The following PFKFB3 variants were observed in gnomAD, a reference collection of about 807,000 sequenced individuals.
PFKFB3 encodes the protein 6-phosphofructo-2-kinase/fructose-2,6-biphosphatase 3.
PFKFB3 carries 33 observed loss-of-function variants against 68.0 expected under a neutral mutation model. That is an observed-to-expected ratio of 0.49 (90% CI 0.37 to 0.65). PFKFB3 has a LOEUF of 0.65. Ranked by LOEUF, PFKFB3 falls within the 30% of genes least tolerant of loss-of-function variation. PFKFB3 has a pLI of 0.00. For missense variants in PFKFB3, 586 were observed against 712.2 expected, an observed-to-expected ratio of 0.82 and a Z score of 2.02; for synonymous variants, 315 against 288.2, an observed-to-expected ratio of 1.09 and a Z score of -0.94.
At chr10:6,157,357 G>A (rs904462492) in intron 1 of PFKFB3, among the ~76,000 whole-genome samples, 2 of 151,870 alleles carry the variant, frequency 1.3e-5, no homozygotes, top group African/African-American at 4.8e-5. Context: ...CTCCCGAGTA[G>A]CTGGGACTAC....
chr10:6,323,199 G>GA, the PFKFB3 span, among the ~76,000 whole-genome samples: 1 of 152,220 alleles, frequency 6.6e-6, no homozygotes, highest in African/African-American at 2.4e-5. Context: ...TTTACTATGG[G>GA]AATTGGTTTA....
the PFKFB3 span, among the ~76,000 whole-genome samples, chr10:6,269,001 A>G: frequency 7.3e-6 from 1 of 136,988 alleles, no homozygotes; most frequent in Non-Finnish European, 1.6e-5. Context: ...CCAGCCTGGG[A>G]GACAAGAGTG....
At chr10:6,176,335 G>A (rs765140221) in intron 1 of PFKFB3, among the ~76,000 whole-genome samples, 2 of 152,060 alleles carry the variant, frequency 1.3e-5, no homozygotes, top group African/African-American at 2.4e-5. Flanking sequence ...TGATGGGTGG[G>A]GGTTGCATAG....
In PFKFB3 at chr10:6,185,157, G is replaced by C. The variant is rs574965665; in HGVS notation, c.17-28466G>C. On this transcript the variant is annotated intron_variant, in intron 1 of 14. Coordinates refer to the PFKFB3 transcript ENST00000379789. The stretch of plus-strand genomic sequence containing the variant: ...CACGGCACGCCCCACGAGGGCCTCT[G>C]TGGCCTTGAGACACATCACTCTCTG... Among the ~76,000 whole-genome samples, 23 of 152,314 alleles carry C rather than the reference G, an allele frequency of 1.5e-4. No homozygotes were observed. The South Asian group carries it at 4.8e-3, about 32-fold the overall frequency.
the PFKFB3 span, among the ~76,000 whole-genome samples, chr10:6,306,118 C>T: frequency 2.0e-5 from 3 of 152,184 alleles, no homozygotes; most frequent in African/African-American, 4.8e-5. Context: ...ATGGCAGCCT[C>T]AAACTCCTGG....
chr10:6,291,340 C>G, the PFKFB3 span, among the ~76,000 whole-genome samples: 12 of 151,982 alleles, frequency 7.9e-5, no homozygotes, highest in Non-Finnish European at 2.9e-5. Flanking sequence ...CCAAGGTGGG[C>G]GGATCACTTG....
chr10:6,229,274 G>A lies in PFKFB3; in HGVS notation c.1515+2909G>A, dbSNP rs1370097501. The A allele has an allele frequency of 2.3e-6, 1 of 437,736 alleles. No homozygotes were observed. 27.1% of individuals were successfully genotyped at this position (437,736 alleles called of 1,614,324 possible). A position where few individuals can be genotyped will look rare whatever the true frequency, so the allele number is the denominator to read the frequency against. On this transcript the variant is annotated intron_variant, in intron 14 of 14. Coordinates refer to ENST00000379775, the MANE Select transcript of PFKFB3 (RefSeq NM_004566.4). This position sits in a 1 kb window ranked among gnomAD's most constrained non-coding sequence, Gnocchi z 4.3. ...TGTCCACGTTCCTTAAGACCACCCT[G>A]GGAGGTCGGCAGGGCAGTCAGTCCC...
chr10:6,221,742 GGAGGT>G lies in PFKFB3; in HGVS notation c.1083+1_1083+5del. On this transcript the variant is annotated splice_donor_variant and coding_sequence_variant, in exon 10 of 15. Coordinates refer to ENST00000379775, the MANE Select transcript of PFKFB3 (RefSeq NM_004566.4). LOFTEE classifies it high-confidence loss of function. ...AGTACTATTACCGCTACCCCACCGG[GGAGGT>G]GAGCGCAGGCTGGGGCGGGCTGACG... The G allele has an allele frequency of 6.3e-7, 1 of 1,593,090 alleles. No homozygotes were observed. The highest frequency in any genetic ancestry group is 8.5e-7 in the Non-Finnish European group (1 of 1,170,712).
downstream of PFKFB3, among the ~76,000 whole-genome samples, chr10:6,236,446 C>A (rs1044051731): frequency 6.6e-6 from 1 of 152,318 alleles, no homozygotes; most frequent in Non-Finnish European, 1.5e-5. Flanking sequence ...CGGAGCCCCC[C>A]ACTGCTGCGC....
intron 1 of PFKFB3, among the ~76,000 whole-genome samples, chr10:6,188,002 C>CATAT (rs35827719): frequency 1.4e-4 from 20 of 148,130 alleles, no homozygotes; most frequent in Admixed American, 6.0e-4. Context: ...TACCTACCTA[C>CATAT]ATATATATAT....
At chr10:6,285,337 G>A in the PFKFB3 span, among the ~76,000 whole-genome samples, 4 of 151,468 alleles carry the variant, frequency 2.6e-5, no homozygotes, top group African/African-American at 9.7e-5. Flanking sequence ...AGATTCAAGC[G>A]ATTGTCCTGC....
intron 1 of PFKFB3, among the ~76,000 whole-genome samples, chr10:6,172,598 G>T (rs1362562299): frequency 6.6e-6 from 1 of 152,116 alleles, no homozygotes; most frequent in African/African-American, 2.4e-5. Context: ...CAAGTGGGAG[G>T]ATTGTTTGAG....
the PFKFB3 span, among the ~76,000 whole-genome samples, chr10:6,311,402 AACCTCT>A: frequency 6.6e-6 from 1 of 152,110 alleles, no homozygotes; most frequent in Non-Finnish European, 1.5e-5. Flanking sequence ...TTTCTGGCAG[AACCTCT>A]CAGGTTCCCT....
the PFKFB3 span, among the ~76,000 whole-genome samples, chr10:6,307,531 TTCC>T: frequency 7.0e-3 from 1,023 of 146,706 alleles, 15 homozygotes; most frequent in African/African-American, 0.024. Context: ...CCTTCCTTCC[TTCC>T]TTCCTTCCTT....
chr10:6,272,316 C>T, the PFKFB3 span, among the ~76,000 whole-genome samples: 3 of 152,156 alleles, frequency 2.0e-5, no homozygotes, highest in African/African-American at 7.2e-5. Context: ...GTGATCGTTC[C>T]AATTGCCCTA....
At chr10:6,222,202 C>T (rs73615881) in intron 10 of PFKFB3, among the ~76,000 whole-genome samples, 6,433 of 152,250 alleles carry the variant, frequency 0.042, 197 homozygotes, top group East Asian at 0.15. Context: ...CAGGCCCCTG[C>T]AGGCCCACTG....
the PFKFB3 span, among the ~76,000 whole-genome samples, chr10:6,298,392 T>C: frequency 6.6e-6 from 1 of 151,964 alleles, no homozygotes; most frequent in Admixed American, 6.6e-5. Flanking sequence ...TTTTTTCTTT[T>C]TTTGAGACAA....
intron 14 of PFKFB3, among the ~76,000 whole-genome samples, chr10:6,249,734 A>G (rs1846336098): frequency 7.0e-6 from 1 of 142,280 alleles, no homozygotes; most frequent in Admixed American, 7.0e-5. Flanking sequence ...AATCTCAGGC[A>G]GGTGGAATAT....
chr10:6,326,063 C>T, the PFKFB3 span, among the ~76,000 whole-genome samples: 1 of 152,166 alleles, frequency 6.6e-6, no homozygotes, highest in Non-Finnish European at 1.5e-5. Context: ...TTTTATCATA[C>T]ATTGTCATCT....
Sources: allele counts gnomAD v4.1 joint callset (sites outside exome capture counted in the v4.1 genomes callset), GRCh38; gene constraint gnomAD v4.1.1; non-coding constraint Gnocchi (gnomAD v3.1); transcripts MANE v1.5; gene names NCBI Gene and HGNC (gene_info 2026-07-23, HGNC 2026-07-21).